Variants in DMD observed in about 807,000 individuals in gnomAD.
DMD encodes the protein dystrophin.
Under a neutral mutation model 330.1 loss-of-function variants are expected in DMD, and 63 were observed. That is an observed-to-expected ratio of 0.19 (90% CI 0.16 to 0.24). DMD has a LOEUF of 0.24. Ranked by LOEUF, DMD falls within the 10% of genes least tolerant of loss-of-function variation. DMD has a pLI of 1.00. For missense variants in DMD, 3,344 were observed against 2,684.1 expected (o/e 1.25, Z -5.43); for synonymous variants, 1,223 against 959.8 (o/e 1.27, Z -5.07).
intron 55 of DMD, among the ~76,000 whole-genome samples, chrX:31,508,790 C>T (rs890642258): frequency 4.1e-4 from 43 of 105,883 alleles, no homozygotes; most frequent in African/African-American, 1.2e-3. Context: ...TTTTTTTTTT[C>T]TCTCTCTCTC....
intron 74 of DMD, among the ~76,000 whole-genome samples, chrX:31,165,785 T>C (rs1221938246): frequency 1.8e-5 from 2 of 111,989 alleles, no homozygotes; most frequent in Non-Finnish European, 3.8e-5. Flanking sequence ...AAGCGAAATA[T>C]TAAAGATTAG....
intron 2 of DMD, among the ~76,000 whole-genome samples, chrX:32,975,346 CTTTTTT>C (rs35180404): frequency 1.5e-4 from 10 of 64,772 alleles, no homozygotes; most frequent in East Asian, 5.0e-4. Context: ...TTAAAAAATG[CTTTTTT>C]TTTTTTTTTT....
chrX:33,005,771 A>G (rs1287593963), intron 2 of DMD, among the ~76,000 whole-genome samples: 1 of 111,010 alleles, frequency 9.0e-6, no homozygotes, highest in Non-Finnish European at 1.9e-5. Context: ...ATGCAATAAG[A>G]CAAAGAAAAT....
At chrX:31,964,257 T>C (rs771917735) in intron 45 of DMD, among the ~76,000 whole-genome samples, 1 of 111,376 alleles carries the variant, frequency 9.0e-6, no homozygotes, top group East Asian at 2.8e-4. Context: ...GCTAGCGTCC[T>C]GGACATTTTC....
At chrX:32,024,061 C>A (rs748155612) in intron 44 of DMD, among the ~76,000 whole-genome samples, 1 of 111,179 alleles carries the variant, frequency 9.0e-6, no homozygotes. Flanking sequence ...GGAACATGTA[C>A]CCGCTGAATC....
intron 60 of DMD, among the ~76,000 whole-genome samples, chrX:31,411,247 A>G (rs896246448): frequency 9.0e-6 from 1 of 111,397 alleles, no homozygotes; most frequent in Non-Finnish European, 1.9e-5. Flanking sequence ...ATAGGTAGCA[A>G]TAAAGGTCCC....
chrX:32,748,496 G>C (rs2099698047), intron 7 of DMD, among the ~76,000 whole-genome samples: 1 of 111,592 alleles, frequency 9.0e-6, no homozygotes, highest in Admixed American at 9.5e-5. Context: ...TATGAGTCCA[G>C]TTTGAAAGTT....
intron 45 of DMD, among the ~76,000 whole-genome samples, chrX:31,963,104 C>T (rs1467742310): frequency 9.0e-6 from 1 of 111,657 alleles, no homozygotes; most frequent in Admixed American, 9.5e-5. Flanking sequence ...TACAAGGAAG[C>T]GCATAGAGCA....
chrX:32,216,462 T>C (rs923563042), intron 44 of DMD, among the ~76,000 whole-genome samples: 3 of 112,117 alleles, frequency 2.7e-5, no homozygotes, highest in Admixed American at 9.5e-5. Flanking sequence ...ATAGAATATA[T>C]AGAAATATTG....
At chrX:31,799,034 G>A (rs2091948991) in intron 50 of DMD, among the ~76,000 whole-genome samples, 1 of 110,782 alleles carries the variant, frequency 9.0e-6, no homozygotes, top group African/African-American at 3.3e-5. Context: ...CTCCCCTTTG[G>A]TACTCCTTGT....
chrX:31,518,080 A>T (rs1470655735), intron 55 of DMD, among the ~76,000 whole-genome samples: 4 of 111,004 alleles, frequency 3.6e-5, no homozygotes, highest in Non-Finnish European at 5.7e-5. Flanking sequence ...CCTATCAAGC[A>T]TTCCTAAACT....
At chrX:32,653,787 T>A (rs1272047147) in intron 9 of DMD, among the ~76,000 whole-genome samples, 4 of 112,205 alleles carry the variant, frequency 3.6e-5, no homozygotes, top group Non-Finnish European at 5.6e-5. Flanking sequence ...TTCCTATCCA[T>A]GAGCATAGAA....
chrX:31,723,650 A>ACG (rs2085760928), intron 52 of DMD, among the ~76,000 whole-genome samples: 2 of 107,764 alleles, frequency 1.9e-5, no homozygotes, highest in East Asian at 2.9e-4. Context: ...ACACACACAC[A>ACG]CACACACACA....
At chrX:32,626,013 A>G (rs1293190872) in intron 11 of DMD, among the ~76,000 whole-genome samples, 1 of 112,875 alleles carries the variant, frequency 8.9e-6, no homozygotes, top group Non-Finnish European at 1.9e-5. Flanking sequence ...CAATTACATG[A>G]TTTAAGTCAG....
At chrX:31,679,699 T>C in intron 52 of DMD, 113 bp from the exon 53 acceptor site, 1 of 651,097 alleles carries the variant, frequency 1.5e-6, no homozygotes, top group South Asian at 2.6e-5. Context: ...TAAAAAATTA[T>C]TCATTGTGTT....
At chrX:31,415,472 T>C (rs1393498660) in intron 60 of DMD, among the ~76,000 whole-genome samples, 1 of 112,038 alleles carries the variant, frequency 8.9e-6, no homozygotes, top group Non-Finnish European at 1.9e-5. Context: ...GCCATTACTA[T>C]GGAGTCCAGA....
intron 1 of DMD, among the ~76,000 whole-genome samples, chrX:33,116,744 G>A (rs2095388294): frequency 9.0e-6 from 1 of 111,464 alleles, no homozygotes; most frequent in Admixed American, 9.6e-5. Flanking sequence ...TTTTGAAGAT[G>A]GGAATGCTTT....
At chrX:33,079,836 CTT>C (rs1356626385) in intron 1 of DMD, among the ~76,000 whole-genome samples, 1 of 111,604 alleles carries the variant, frequency 9.0e-6, no homozygotes, top group Non-Finnish European at 1.9e-5. Context: ...ACAGAGGAGA[CTT>C]AGCTTTCCAA....
At chrX:32,985,472 A>C (rs1383900143) in intron 2 of DMD, among the ~76,000 whole-genome samples, 1 of 111,612 alleles carries the variant, frequency 9.0e-6, no homozygotes, top group Non-Finnish European at 1.9e-5. Flanking sequence ...TTATTTTACA[A>C]ATGAGAGCAT....
Sources: gnomAD v4.1 joint callset for allele counts (sites outside exome capture counted in the v4.1 genomes callset) on GRCh38, gnomAD v4.1.1 for gene constraint, MANE v1.5 for transcripts, NCBI Gene and HGNC (gene_info 2026-07-23, HGNC 2026-07-21) for gene names.